The following AFAP1L2 variants were observed in gnomAD, a reference collection of about 807,000 sequenced individuals.
AFAP1L2 encodes actin filament-associated protein 1-like 2.
AFAP1L2 carries 46 observed loss-of-function variants against 99.3 expected under a neutral mutation model. That is an observed-to-expected ratio of 0.46 (90% CI 0.37 to 0.59). The LOEUF (loss-of-function observed/expected upper bound fraction) is 0.59, where lower values mean the gene tolerates loss of function less well. Among genes scored for constraint, AFAP1L2 ranks in the 20% least tolerant of loss-of-function variants. The pLI is 0.00. For synonymous variants in AFAP1L2, 397 were observed against 419.1 expected (o/e 0.95, Z 0.64); for missense variants, 959 against 1,034.9 (o/e 0.93, Z 1.01).
In AFAP1L2 at chr10:114,294,861, C is replaced by G; in HGVS notation, c.*1181G>C. The stretch of plus-strand genomic sequence containing the variant: ...GAACATTTTATTTTAAAAAACCTAA[C>G]TAACTCACCACTTGGTAAAAGGTCA... On this transcript the variant is annotated 3_prime_UTR_variant, in exon 19 of 19. Transcript: ENST00000304129. 1.2e-6 allele frequency: 1 copy of G among 845,572 alleles called. No homozygotes were observed. The highest frequency in any genetic ancestry group is 1.3e-6 in the Non-Finnish European group (1 of 760,604). The allele number at this position is 845,572 out of a possible 1,614,324, so 52.4% of individuals were successfully genotyped here.
chr10:114,343,410 G>T (rs187843909), intron 1 of AFAP1L2, among the ~76,000 whole-genome samples: 1 of 152,200 alleles, frequency 6.6e-6, no homozygotes. Context: ...TCACTCTAGA[G>T]GCAAGTCAGT....
intron 8 of AFAP1L2, 63 bp from the exon 9 acceptor site, chr10:114,308,580 A>C (rs750050300): frequency 7.0e-7 from 1 of 1,420,158 alleles, no homozygotes; most frequent in Admixed American, 1.7e-5. Flanking sequence ...GGAGACCACA[A>C]TTGAAGGGAA....
At chr10:114,355,694 G>A (rs952275772) in intron 1 of AFAP1L2, among the ~76,000 whole-genome samples, 4 of 152,022 alleles carry the variant, frequency 2.6e-5, no homozygotes, top group Non-Finnish European at 5.9e-5. Context: ...TGTCGGGTCC[G>A]GGCACAGTGG....
intron 9 of AFAP1L2, 31 bp from the exon 10 acceptor site, chr10:114,307,940 T>C: frequency 6.2e-7 from 1 of 1,600,730 alleles, no homozygotes; most frequent in East Asian, 2.2e-5. Flanking sequence ...GCAATTCGTA[T>C]TGCACGTGGT....
the AFAP1L2 span, chr10:114,288,904 T>TG: frequency 1.9e-6 from 3 of 1,571,016 alleles, no homozygotes; most frequent in Non-Finnish European, 2.6e-6. Flanking sequence ...GACTGGCACA[T>TG]CCACTGCTGA....
At chr10:114,348,474 C>T (rs1184511102) in intron 1 of AFAP1L2, among the ~76,000 whole-genome samples, 31 of 152,170 alleles carry the variant, frequency 2.0e-4, no homozygotes, top group Non-Finnish European at 8.8e-5. Flanking sequence ...GGTTGTAATG[C>T]ATGAGAAGTT....
At chr10:114,315,907 G>A in intron 5 of AFAP1L2, 142 bp from the exon 6 acceptor site, 1 of 806,508 alleles carries the variant, frequency 1.2e-6, no homozygotes, top group Non-Finnish European at 1.9e-6. Flanking sequence ...CAGCCCCACA[G>A]CCAGCAGCCA....
At chr10:114,332,753 G>A (rs773362532) in intron 3 of AFAP1L2, among the ~76,000 whole-genome samples, 1 of 152,220 alleles carries the variant, frequency 6.6e-6, no homozygotes, top group Non-Finnish European at 1.5e-5. Context: ...GAAAACATAT[G>A]TCCTTCCCAT....
At position 114,304,739 on chromosome 10, in the gene AFAP1L2, C is replaced by T. The variant is rs936786976; in HGVS notation, c.1264G>A (p.Glu422Lys). 5 of 1,608,736 alleles carry T rather than the reference C, an allele frequency of 3.1e-6. No individual in the cohort carries two copies. Among genetic ancestry groups the T allele is most frequent in the South Asian group, 1.1e-5 (1 of 91,016 alleles). Residue 422 changes from glutamate to lysine, a missense_variant, in exon 11 of 19, where the codon GAG (glutamate) becomes AAG (lysine). Coordinates refer to ENST00000304129, the MANE Select transcript of AFAP1L2 (RefSeq NM_001001936.3). Reference sequence around the variant, plus strand: ...GGTACCTCAAGCTTGGCCAGCTCCTCGCCCTTGTGGAGGATGCGGAAGGAG... The same window carrying T: ...GGTACCTCAAGCTTGGCCAGCTCCTTGCCCTTGTGGAGGATGCGGAAGGAG... ...LYSFRILHKG[E>K]ELAKLEAKSS...
intron 1 of AFAP1L2, among the ~76,000 whole-genome samples, chr10:114,344,904 C>T (rs2049289399): frequency 6.6e-6 from 1 of 152,048 alleles, no homozygotes; most frequent in African/African-American, 2.4e-5. Context: ...CGAGACCAGC[C>T]TGGCCAACCT....
intron 16 of AFAP1L2, among the ~76,000 whole-genome samples, chr10:114,297,942 G>GT (rs1163027133): frequency 6.6e-6 from 1 of 152,182 alleles, no homozygotes; most frequent in African/African-American, 2.4e-5. Flanking sequence ...GGAAAGGATG[G>GT]TATCACATAT....
intron 1 of AFAP1L2, among the ~76,000 whole-genome samples, chr10:114,368,329 G>C (rs1460973173): frequency 6.6e-6 from 1 of 152,212 alleles, no homozygotes; most frequent in Non-Finnish European, 1.5e-5. Context: ...GAAAGTTTCA[G>C]TTATAAGATG....
rs184998641 is a variant in AFAP1L2 at position 114,314,938 on chromosome 10, C to T, written c.612+622G>A. Among the ~76,000 whole-genome samples, 310 of 152,200 alleles carry T rather than the reference C, an allele frequency of 2.0e-3. 1 individual carries two copies. The highest frequency in any genetic ancestry group is 7.2e-3 in the African/African-American group (298 of 41,530). Reference sequence around the variant, plus strand: ...CAGGCAGATCACAAAGTCCGGAGTTCGAGACCAGCCTGACCAACATGGTGA... The same window carrying T: ...CAGGCAGATCACAAAGTCCGGAGTTTGAGACCAGCCTGACCAACATGGTGA... On this transcript the variant is annotated intron_variant, in intron 6 of 18. Transcript: ENST00000304129.
At chr10:114,294,510 G>A (rs1440861497), downstream of AFAP1L2, among the ~76,000 whole-genome samples, 1 of 151,968 alleles carries the variant, frequency 6.6e-6, no homozygotes, top group Non-Finnish European at 1.5e-5. Flanking sequence ...TACTACTTAG[G>A]CAACCTTCCC....
intron 5 of AFAP1L2, among the ~76,000 whole-genome samples, chr10:114,322,066 G>A (rs137929777): frequency 1.3e-5 from 2 of 152,054 alleles, no homozygotes; most frequent in Admixed American, 6.5e-5. Flanking sequence ...GAGATCTGAC[G>A]GTTTTATAAA....
chr10:114,401,861 G>C (rs944754946), intron 1 of AFAP1L2, among the ~76,000 whole-genome samples: 2 of 152,104 alleles, frequency 1.3e-5, no homozygotes, highest in African/African-American at 4.8e-5. Flanking sequence ...TAACAAGCAG[G>C]CTAAGGAACA....
the AFAP1L2 span, among the ~76,000 whole-genome samples, chr10:114,283,188 T>C: frequency 6.6e-6 from 1 of 152,190 alleles, no homozygotes; most frequent in Non-Finnish European, 1.5e-5. Flanking sequence ...GTGTCAGTCC[T>C]GGGGTGGATT....
chr10:114,297,869 G>A (rs562895769), intron 16 of AFAP1L2, among the ~76,000 whole-genome samples: 81 of 152,258 alleles, frequency 5.3e-4, no homozygotes, highest in African/African-American at 1.9e-3. Context: ...GGACCTCTTG[G>A]GTTGATGCTG....
chr10:114,289,079 G>T, the AFAP1L2 span: 2 of 1,614,210 alleles, frequency 1.2e-6, no homozygotes, highest in Non-Finnish European at 1.7e-6. Flanking sequence ...ACACAGGTCG[G>T]CCTGGTGGTG....
Sources: allele counts gnomAD v4.1 joint callset (sites outside exome capture counted in the v4.1 genomes callset), GRCh38; gene constraint gnomAD v4.1.1; transcripts MANE v1.5; gene names NCBI Gene and HGNC (gene_info 2026-07-23, HGNC 2026-07-21).